PCDH11Y: variants seen among roughly 807,000 people sequenced by gnomAD.
PCDH11Y encodes the protein protocadherin-11 Y-linked.
For missense variants in PCDH11Y, 12 were observed against 224.8 expected (o/e 0.05, Z 6.05); for synonymous variants, 9 against 83.6 (o/e 0.11, Z 4.87).
At chrY:5,492,996 A>T in intron 2 of PCDH11Y, among the ~76,000 whole-genome samples, 11 of 33,289 alleles carry the variant, frequency 3.3e-4, no homozygotes, top group Admixed American at 8.2e-4. Flanking sequence ...ACTATCCATA[A>T]ACTCAACACA....
chrY:5,508,804 G>C lies in PCDH11Y; in HGVS notation c.3328+7549G>C, dbSNP rs1602935763. On this transcript the variant is annotated intron_variant, in intron 3 of 4. Transcript: ENST00000400457. ...ACAATTAACTAGCTCTGTGAACTTG[G>C]ATAGGTCTTTTAACTTCACTGTCTC... 1.8e-4 allele frequency among the ~76,000 whole-genome samples: 6 copies of C among 32,978 alleles called. No individual in the cohort carries two copies. In the East Asian group the frequency reaches 4.7e-3, roughly 26 times the overall value. 88.5% of individuals were successfully genotyped at this position (32,978 alleles called of 37,273 possible).
intron 2 of PCDH11Y, among the ~76,000 whole-genome samples, chrY:5,270,977 A>G: frequency 3.0e-5 from 1 of 33,649 alleles, no homozygotes; most frequent in Non-Finnish European, 7.3e-5. Flanking sequence ...TAAAAGGGAA[A>G]TGATAATCTA....
chrY:5,361,810 TTAAG>T (rs2053174567), intron 2 of PCDH11Y, among the ~76,000 whole-genome samples: 20 of 32,676 alleles, frequency 6.1e-4, no homozygotes, highest in Non-Finnish European at 1.5e-4. Flanking sequence ...AGTATGCATA[TTAAG>T]TATTATTATA....
At chrY:5,135,485 T>A in intron 2 of PCDH11Y, among the ~76,000 whole-genome samples, 1 of 33,176 alleles carries the variant, frequency 3.0e-5, no homozygotes. Context: ...GCATGAGAGC[T>A]GGGTACGGCT....
At chrY:5,107,069 A>G, downstream of PCDH11Y, among the ~76,000 whole-genome samples, 1 of 32,001 alleles carries the variant, frequency 3.1e-5, no homozygotes, top group East Asian at 8.2e-4. Context: ...CACACACTGA[A>G]CTAAGGGAGA....
chrY:5,573,157 A>G, intron 3 of PCDH11Y: 1 of 274,301 alleles, frequency 3.6e-6, no homozygotes, highest in Non-Finnish European at 5.7e-6. Flanking sequence ...GAGCTTCACC[A>G]CTCGGTCTAC....
intron 2 of PCDH11Y, among the ~76,000 whole-genome samples, chrY:5,183,844 T>C (rs2052903770): frequency 7.4e-5 from 2 of 26,982 alleles, no homozygotes; most frequent in Non-Finnish European, 1.6e-4. Context: ...CAAAATTGTT[T>C]ATAATAAAGT....
At chrY:5,675,043 T>C in intron 4 of PCDH11Y, among the ~76,000 whole-genome samples, 1 of 33,848 alleles carries the variant, frequency 3.0e-5, no homozygotes, top group Non-Finnish European at 7.3e-5. Context: ...TATTAGCTCA[T>C]TCTCACACTG....
chrY:5,171,733 A>G, intron 2 of PCDH11Y, among the ~76,000 whole-genome samples: 2 of 33,805 alleles, frequency 5.9e-5, no homozygotes, highest in African/African-American at 2.3e-4. Context: ...CCCTTTAAAA[A>G]AAGAAATGCT....
intron 2 of PCDH11Y, among the ~76,000 whole-genome samples, chrY:5,496,031 C>G (rs2124687379): frequency 3.0e-5 from 1 of 33,322 alleles, no homozygotes; most frequent in Non-Finnish European, 7.4e-5. Context: ...CTGTTTCTCT[C>G]TGCTACTGGC....
At chrY:5,547,245 T>TTATCTATC (rs541682691) in intron 3 of PCDH11Y, among the ~76,000 whole-genome samples, 29 of 19,060 alleles carry the variant, frequency 1.5e-3, no homozygotes, top group East Asian at 9.4e-3. Context: ...AACCTAAATT[T>TTATCTATC]TATCTATCTA....
intron 3 of PCDH11Y, among the ~76,000 whole-genome samples, chrY:5,529,820 C>T: frequency 3.1e-5 from 1 of 32,426 alleles, no homozygotes; most frequent in Non-Finnish European, 7.7e-5. Flanking sequence ...TACCCCATTA[C>T]CCTAATTTGA....
chrY:5,650,170 A>G, intron 4 of PCDH11Y, among the ~76,000 whole-genome samples: 3 of 33,043 alleles, frequency 9.1e-5, no homozygotes. Context: ...TCCTCATGTT[A>G]ATGCATTATT....
At chrY:5,682,551 G>T (rs2053559592) in intron 4 of PCDH11Y, among the ~76,000 whole-genome samples, 20 of 28,012 alleles carry the variant, frequency 7.1e-4, no homozygotes, top group African/African-American at 2.2e-3. Flanking sequence ...CAAGAAGGAT[G>T]GTGTTAATCC....
At chrY:5,001,476 A>G in intron 1 of PCDH11Y, among the ~76,000 whole-genome samples, 1 of 34,233 alleles carries the variant, frequency 2.9e-5, no homozygotes, top group Non-Finnish European at 7.3e-5. Context: ...CCGCCCACCT[A>G]TCCCATAAAT....
chrY:5,548,195 G>A (rs2053415149), intron 3 of PCDH11Y, among the ~76,000 whole-genome samples: 2 of 32,475 alleles, frequency 6.2e-5, no homozygotes, highest in East Asian at 8.1e-4. Context: ...CAAAGATCAC[G>A]GAGATTCAGG....
At chrY:5,046,940 C>T in intron 3 of PCDH11Y, among the ~76,000 whole-genome samples, 2 of 34,117 alleles carry the variant, frequency 5.9e-5, no homozygotes, top group African/African-American at 1.1e-4. Context: ...TTGCGCTTTC[C>T]GAGTGAGGCA....
intron 1 of PCDH11Y, among the ~76,000 whole-genome samples, chrY:5,070,358 G>T (rs2052698112): frequency 3.1e-5 from 1 of 31,808 alleles, no homozygotes; most frequent in Non-Finnish European, 7.7e-5. Context: ...CTTATGAAAA[G>T]AAGTAATTTT....
intron 1 of PCDH11Y, among the ~76,000 whole-genome samples, chrY:5,011,075 AT>A (rs2052548919): frequency 4.4e-5 from 1 of 22,558 alleles, no homozygotes; most frequent in African/African-American, 1.8e-4. Context: ...GGGTAACAGG[AT>A]TTCTTAAAAG....
Sources: allele counts gnomAD v4.1 joint callset (sites outside exome capture counted in the v4.1 genomes callset), GRCh38; gene constraint gnomAD v4.1.1; transcripts MANE v1.5; gene names NCBI Gene and HGNC (gene_info 2026-07-23, HGNC 2026-07-21).